Variants in TENM3 observed in about 807,000 individuals in gnomAD.
The protein encoded by TENM3 is teneurin-3.
Under a neutral mutation model 255.1 loss-of-function variants are expected in TENM3, and 63 were observed. The observed-to-expected ratio is 0.25, with a 90% CI of 0.20 to 0.30. TENM3 has a LOEUF of 0.30. TENM3 is among the 10% of genes least tolerant of loss of function. The pLI is 1.00. For missense variants in TENM3, 2,929 were observed against 3,461.1 expected, an observed-to-expected ratio of 0.85 and a Z score of 3.86; for synonymous variants, 1,306 against 1,322.3, an observed-to-expected ratio of 0.99 and a Z score of 0.27.
the TENM3 span, among the ~76,000 whole-genome samples, chr4:181,789,955 C>T: frequency 6.6e-6 from 1 of 152,036 alleles, no homozygotes; most frequent in Non-Finnish European, 1.5e-5. Context: ...TAAGTCTTTC[C>T]CTGAGTTCTG....
chr4:181,651,816 T>C, the TENM3 span, among the ~76,000 whole-genome samples: 1 of 152,162 alleles, frequency 6.6e-6, no homozygotes, highest in Non-Finnish European at 1.5e-5. Flanking sequence ...ATAATTCCAA[T>C]ACCTATTTCA....
intron 3 of TENM3, among the ~76,000 whole-genome samples, chr4:182,478,197 T>C (rs942764609): frequency 1.3e-4 from 20 of 152,118 alleles, no homozygotes; most frequent in Admixed American, 1.1e-3. Flanking sequence ...GTTGAAAATA[T>C]TATTTTCATA....
intron 3 of TENM3, among the ~76,000 whole-genome samples, chr4:182,527,438 C>CA (rs538914218): frequency 4.5e-4 from 66 of 147,686 alleles, no homozygotes; most frequent in African/African-American, 5.7e-4. Flanking sequence ...TAAAACAAAC[C>CA]AAAAAAAAGG....
chr4:181,448,512 T>C, the TENM3 span, among the ~76,000 whole-genome samples: 6 of 151,990 alleles, frequency 3.9e-5, no homozygotes, highest in African/African-American at 1.4e-4. Flanking sequence ...ACAGAAGAGG[T>C]AGAAAATGTA....
At chr4:181,466,753 A>G in the TENM3 span, among the ~76,000 whole-genome samples, 1 of 152,246 alleles carries the variant, frequency 6.6e-6, no homozygotes, top group South Asian at 2.1e-4. Context: ...ATTGATGTTT[A>G]GGAAAACAAT....
chr4:182,650,520 GT>G (rs1753159805), intron 5 of TENM3, among the ~76,000 whole-genome samples: 1 of 149,794 alleles, frequency 6.7e-6, no homozygotes, highest in Admixed American at 6.7e-5. Flanking sequence ...ACCCCATTTA[GT>G]TTTATTACAC....
intron 1 of TENM3, among the ~76,000 whole-genome samples, chr4:182,287,022 T>A (rs1347882357): frequency 6.6e-6 from 1 of 151,656 alleles, no homozygotes; most frequent in Non-Finnish European, 1.5e-5. Flanking sequence ...AGGCCAGGAG[T>A]TCAAGACCAG....
At chr4:181,813,354 C>T in the TENM3 span, among the ~76,000 whole-genome samples, 4 of 152,146 alleles carry the variant, frequency 2.6e-5, no homozygotes, top group African/African-American at 9.7e-5. Flanking sequence ...ACTCTGAGCA[C>T]TTAGGAATAA....
At chr4:181,558,942 A>C in the TENM3 span, among the ~76,000 whole-genome samples, 1 of 152,128 alleles carries the variant, frequency 6.6e-6, no homozygotes, top group Non-Finnish European at 1.5e-5. Context: ...TATGAATCTC[A>C]CTTATTATTT....
At chr4:182,289,176 G>A (rs980348886) in intron 1 of TENM3, among the ~76,000 whole-genome samples, 5 of 152,252 alleles carry the variant, frequency 3.3e-5, no homozygotes, top group Non-Finnish European at 7.3e-5. Context: ...GCTTCAGTGA[G>A]CTGTGATTGC....
rs921877236 is a variant in TENM3, at chr4:182,689,215, G to C, written c.2221+864G>C. 2.7e-4 allele frequency among the ~76,000 whole-genome samples: 41 copies of C among 152,256 alleles called. 1 individual carries two copies. The highest frequency in any genetic ancestry group is 1.5e-4 in the Non-Finnish European group (10 of 68,022). ...TCCTACCAAAATTTCAGAATTTGTG[G>C]TATAGTATTTCTCCACATTGTTTTA... is the stretch of plus-strand genomic sequence containing the variant. On this transcript the variant is annotated intron_variant, in intron 12 of 27. Transcript: ENST00000511685.
At chr4:182,521,864 C>A (rs953556926) in intron 3 of TENM3, among the ~76,000 whole-genome samples, 4 of 152,100 alleles carry the variant, frequency 2.6e-5, no homozygotes, top group Non-Finnish European at 4.4e-5. Context: ...TCGTTAGAGT[C>A]AAGATTCTCT....
intron 5 of TENM3, among the ~76,000 whole-genome samples, chr4:182,636,488 G>C (rs943684967): frequency 6.6e-6 from 1 of 152,048 alleles, no homozygotes; most frequent in Non-Finnish European, 1.5e-5. Flanking sequence ...TGTAATCCCA[G>C]CACTTTGGGA....
rs145662593 is a variant in TENM3, at chr4:182,446,214, T to TC, written c.511+99288dup. On this transcript the variant is annotated intron_variant, in intron 3 of 27. Transcript: ENST00000511685. Reference sequence around the variant, plus strand: ...TAAATCCTTGATTATTCTCAAAGGATCCCATCTTTGTCTAATTTGGAAATA... The same window carrying TC: ...TAAATCCTTGATTATTCTCAAAGGATCCCCATCTTTGTCTAATTTGGAAATA... Among the ~76,000 whole-genome samples the TC allele has an allele frequency of 1.5e-3, 229 of 152,308 alleles. 1 individual carries two copies. Among genetic ancestry groups the TC allele is most frequent in the African/African-American group, 5.3e-3 (220 of 41,554 alleles).
chr4:182,685,080 G>GT (rs1247391791), intron 11 of TENM3, among the ~76,000 whole-genome samples: 1 of 152,092 alleles, frequency 6.6e-6, no homozygotes, highest in African/African-American at 2.4e-5. Flanking sequence ...ATCAGCTAAT[G>GT]TATAATATTG....
chr4:181,771,776 C>T, the TENM3 span, among the ~76,000 whole-genome samples: 15 of 152,206 alleles, frequency 9.9e-5, no homozygotes, highest in South Asian at 2.1e-4. Flanking sequence ...GTGATGCAGA[C>T]GCTGCCAGTC....
At chr4:181,754,380 A>C in the TENM3 span, among the ~76,000 whole-genome samples, 1 of 152,116 alleles carries the variant, frequency 6.6e-6, no homozygotes, top group Non-Finnish European at 1.5e-5. Context: ...AGAAAAAGAC[A>C]GATGTAAAAT....
chr4:182,144,680 G>C (rs1367547101), upstream of TENM3: 2 of 146,946 alleles, frequency 1.4e-5, no homozygotes, highest in Admixed American at 6.7e-5. Flanking sequence ...GGCCCGGCGC[G>C]GTGTGCGCGC....
At chr4:182,290,641 T>C (rs973286250) in intron 1 of TENM3, among the ~76,000 whole-genome samples, 1 of 150,050 alleles carries the variant, frequency 6.7e-6, no homozygotes, top group Non-Finnish European at 1.5e-5. Flanking sequence ...TAGCTGGGAC[T>C]ACAGGCGCCC....
Sources: gnomAD v4.1 joint callset for allele counts (sites outside exome capture counted in the v4.1 genomes callset) on GRCh38, gnomAD v4.1.1 for gene constraint, MANE v1.5 for transcripts, NCBI Gene and HGNC (gene_info 2026-07-23, HGNC 2026-07-21) for gene names.